SLC6A13: variants seen among roughly 807,000 people sequenced by gnomAD.
SLC6A13 encodes the protein solute carrier family 6 member 13.
In SLC6A13, 69 loss-of-function variants were observed where a neutral mutation model predicts 72.9. The ratio of observed to expected loss-of-function variants is 0.95; its 90% CI spans 0.78 to 1.16. The LOEUF is 1.16. SLC6A13 is among the 50% of genes most tolerant of loss of function. The pLI, the probability that SLC6A13 is intolerant of heterozygous loss-of-function variation, is 0.00. For synonymous variants in SLC6A13, 303 were observed against 303.0 expected, an observed-to-expected ratio of 1.00 and a Z score of 0.00; for missense variants, 735 against 760.5, an observed-to-expected ratio of 0.97 and a Z score of 0.39.
chr12:225,030 C>T lies in SLC6A13; in HGVS notation c.1061-517G>A, dbSNP rs76558023. ...TTGGCCTCCAGTTACCACCTCTGCG[C>T]CCGGAGCCCTTTCTGTCACCCTGCA... On this transcript the variant is annotated intron_variant, in intron 9 of 14. Coordinates refer to ENST00000343164, the MANE Select transcript of SLC6A13 (RefSeq NM_016615.5). Among the ~76,000 whole-genome samples, 863 of 152,360 alleles carry T rather than the reference C, an allele frequency of 5.7e-3. 8 individuals are homozygous for T. Among genetic ancestry groups the T allele is most frequent in the African/African-American group, 0.02 (826 of 41,594 alleles).
At chr12:232,603 G>T (rs182809340) in intron 7 of SLC6A13, among the ~76,000 whole-genome samples, 1 of 152,302 alleles carries the variant, frequency 6.6e-6, no homozygotes, top group African/African-American at 2.4e-5. Flanking sequence ...TAGGACCCTG[G>T]TTGTGCTTCT....
At chr12:248,700 C>A (rs749132745) in intron 2 of SLC6A13, among the ~76,000 whole-genome samples, 1 of 152,018 alleles carries the variant, frequency 6.6e-6, no homozygotes, top group Non-Finnish European at 1.5e-5. Context: ...ACGTTAATAG[C>A]CCTCTCTCAA....
chr12:239,989 GCAATCCA>G (rs1300944352), intron 4 of SLC6A13, among the ~76,000 whole-genome samples: 1 of 152,074 alleles, frequency 6.6e-6, no homozygotes, highest in East Asian at 1.9e-4. Flanking sequence ...AGACCCCCAG[GCAATCCA>G]AAGGAAGGTG....
intron 4 of SLC6A13, chr12:238,492 C>T (rs1267388006): frequency 7.0e-6 from 3 of 430,240 alleles, no homozygotes; most frequent in Admixed American, 5.3e-5. Flanking sequence ...CTTCGCTCGT[C>T]TCTAAAATGC....
Position 237,989 on chromosome 12 carries a change from T to C in SLC6A13, c.500A>G (p.Lys167Arg). ...GGTACCATTCAGGGAGCCGTTGGTCTTCTGGAACTCCATACAGTGTTCTAC... is the reference window on the plus strand; with the variant it reads ...GGTACCATTCAGGGAGCCGTTGGTCCTCTGGAACTCCATACAGTGTTCTAC... ...WNTEHCMEFQKTNGSLNGTSE... is the reference protein window; with the variant it reads ...WNTEHCMEFQRTNGSLNGTSE... Residue 167 changes from lysine to arginine, a missense_variant, in exon 5 of 15, where the codon AAG becomes AGG. Transcript: ENST00000343164. 1.2e-6 allele frequency: 2 copies of C among 1,614,044 alleles called. No individual in the cohort carries two copies. Among genetic ancestry groups the C allele is most frequent in the Non-Finnish European group, 1.7e-6 (2 of 1,179,938 alleles).
intron 1 of SLC6A13, among the ~76,000 whole-genome samples, chr12:261,015 T>C (rs776290595): frequency 6.6e-6 from 1 of 152,238 alleles, no homozygotes; most frequent in Non-Finnish European, 1.5e-5. Context: ...TCTATGTCTC[T>C]CTGAAATCAG....
intron 7 of SLC6A13, among the ~76,000 whole-genome samples, chr12:230,065 C>A (rs1433701995): frequency 6.6e-6 from 1 of 152,080 alleles, no homozygotes; most frequent in Non-Finnish European, 1.5e-5. Context: ...CAGCTGCTGC[C>A]CAACAGGCCT....
intron 2 of SLC6A13, among the ~76,000 whole-genome samples, chr12:256,225 T>C (rs957847930): frequency 6.6e-6 from 1 of 152,346 alleles, no homozygotes; most frequent in Middle Eastern, 3.4e-3. Flanking sequence ...TGGTCCGTTT[T>C]GATTATAGAT....
chr12:250,630 G>T lies in SLC6A13; in HGVS notation c.203-6817C>A, dbSNP rs181996864. Among the ~76,000 whole-genome samples, 4 of 152,200 alleles carry T rather than the reference G, an allele frequency of 2.6e-5. No homozygotes were observed. The East Asian group carries it at 7.7e-4, about 29-fold the overall frequency. ...TCACAACTACAAAACATTGCTGAGA[G>T]AAATTAATGAAGAGCTAAATAAATG... On this transcript the variant is annotated intron_variant, in intron 2 of 14. Coordinates refer to ENST00000343164, the MANE Select transcript of SLC6A13 (RefSeq NM_016615.5).
chr12:244,883 G>C (rs11062125), intron 2 of SLC6A13, among the ~76,000 whole-genome samples: 10,028 of 152,240 alleles, frequency 0.066, 463 homozygotes, highest in Non-Finnish European at 0.095. Flanking sequence ...CAGGTGTTCT[G>C]TTGTAGCAAC....
chr12:233,799 T>C (rs11609381), intron 7 of SLC6A13, among the ~76,000 whole-genome samples: 25,443 of 152,008 alleles, frequency 0.17, 2,671 homozygotes, highest in East Asian at 0.37. Context: ...CTGGCAGCTG[T>C]GAACCCAAGA....
intron 2 of SLC6A13, among the ~76,000 whole-genome samples, chr12:244,271 GTGGTTGGAAAC>G (rs1490888575): frequency 6.6e-6 from 1 of 152,202 alleles, no homozygotes; most frequent in Non-Finnish European, 1.5e-5. Context: ...CCTAAAGTTC[GTGGTTGGAAAC>G]TTAATTCCCT....
At chr12:246,463 T>A (rs144941785) in intron 2 of SLC6A13, among the ~76,000 whole-genome samples, 246 of 152,328 alleles carry the variant, frequency 1.6e-3, no homozygotes, top group African/African-American at 5.8e-3. Flanking sequence ...GACCCATAAT[T>A]TACAAAGATG....
chr12:221,526 CAGGG>C lies in SLC6A13; in HGVS notation c.1532_1535del (p.Ser511Ter), dbSNP rs1443855478. 6.3e-7 allele frequency: 1 copy of C among 1,595,292 alleles called. No homozygotes were observed. Among genetic ancestry groups the C allele is most frequent in the East Asian group, 2.3e-5 (1 of 44,122 alleles). ...TGTAGGTCAGCGGAGTGTACTTTATCAGGGAGAAGAGAAAGGTGGCCTGAGGGGG... is the reference window on the plus strand; with the variant it reads ...TGTAGGTCAGCGGAGTGTACTTTATCAGAAGAGAAAGGTGGCCTGAGGGGG... On this transcript the variant is annotated frameshift_variant, in exon 14 of 15. Coordinates refer to ENST00000343164, the MANE Select transcript of SLC6A13 (RefSeq NM_016615.5). LOFTEE classifies it high-confidence loss of function.
At chr12:227,813 C>T in intron 7 of SLC6A13, 145 bp from the exon 8 acceptor site, 1 of 678,576 alleles carries the variant, frequency 1.5e-6, no homozygotes, top group South Asian at 1.9e-5. Context: ...ATCCTGCTAC[C>T]TCTGCTCACC....
chr12:258,857 A>T, intron 2 of SLC6A13: 1 of 941,494 alleles, frequency 1.1e-6, no homozygotes, highest in Non-Finnish European at 1.3e-6. Context: ...TGTGCTGCGA[A>T]ATTTTTAAAA....
At chr12:258,442 G>A (rs1301619988) in intron 2 of SLC6A13, among the ~76,000 whole-genome samples, 2 of 152,188 alleles carry the variant, frequency 1.3e-5, no homozygotes, top group African/African-American at 4.8e-5. Flanking sequence ...AAGGATAGGT[G>A]TTGCTTTAAA....
At chr12:253,926 A>G (rs1233186881) in intron 2 of SLC6A13, among the ~76,000 whole-genome samples, 1 of 152,200 alleles carries the variant, frequency 6.6e-6, no homozygotes, top group Admixed American at 6.5e-5. Context: ...ATTAAGTGAA[A>G]ATGTTGGCAG....
Position 222,571 on chromosome 12 carries a change from G to A in SLC6A13, c.1476C>T (p.Ile492=), listed in dbSNP as rs377012474. ...GTGTGAGGAAGAGCCAACAGTATTT[G>A]ATAAGAGGCCATGGCCTGTACCCAA... The part of the protein sequence containing the change: ...DMIGYRPWPL[I]KYCWLFLTPA... Residue 492 remains isoleucine, a synonymous_variant, in exon 13 of 15, where the codon ATC becomes ATT. Coordinates refer to ENST00000343164, the MANE Select transcript of SLC6A13 (RefSeq NM_016615.5). 1.9e-6 allele frequency: 3 copies of A among 1,610,466 alleles called. No individual in the cohort carries two copies. Among genetic ancestry groups the A allele is most frequent in the African/African-American group, 2.7e-5 (2 of 74,834 alleles).
Sources: allele counts gnomAD v4.1 joint callset (sites outside exome capture counted in the v4.1 genomes callset), GRCh38; gene constraint gnomAD v4.1.1; transcripts MANE v1.5; gene names NCBI Gene and HGNC (gene_info 2026-07-23, HGNC 2026-07-21).